Variants in SMG9 observed in about 807,000 individuals in gnomAD.
SMG9 encodes the protein nonsense-mediated mRNA decay factor SMG9.
SMG9 carries 55 observed loss-of-function variants against 64.0 expected under a neutral mutation model. The ratio of observed to expected loss-of-function variants is 0.86; its 90% CI spans 0.69 to 1.08. SMG9 has a LOEUF of 1.08. Ranked by LOEUF, SMG9 falls within the 50% of genes least tolerant of loss-of-function variation. The pLI, the probability that SMG9 is intolerant of heterozygous loss-of-function variation, is 0.00. For missense variants in SMG9, 554 were observed against 681.3 expected (o/e 0.81, Z 2.08); for synonymous variants, 244 against 254.8 (o/e 0.96, Z 0.41).
intron 6 of SMG9, among the ~76,000 whole-genome samples, chr19:43,740,839 T>C (rs1438915647): frequency 6.6e-6 from 1 of 152,086 alleles, no homozygotes; most frequent in Non-Finnish European, 1.5e-5. Context: ...GTGCTGGGAA[T>C]ATGAGGGCAA....
At position 43,729,504 on chromosome 19, in the gene SMG9, G is replaced by A. The variant is rs191363298; in HGVS notation, c.*2092C>T. On this transcript the variant is annotated 3_prime_UTR_variant, in exon 14 of 14. Transcript: ENST00000270066. ...TTCTCTCTGTCCCCAGCCTTGTGCTGAAAGGGGCTGGGATGGAAGAAACTG... is the reference window on the plus strand; with the variant it reads ...TTCTCTCTGTCCCCAGCCTTGTGCTAAAAGGGGCTGGGATGGAAGAAACTG... 6.6e-6 allele frequency: 1 copy of A among 152,322 alleles called. No individual in the cohort carries two copies. Among genetic ancestry groups the A allele is most frequent in the Non-Finnish European group, 1.5e-5 (1 of 68,122 alleles). The allele number at this position is 152,322 out of a possible 1,614,324, so 9.4% of individuals were successfully genotyped here. A position where few individuals can be genotyped will look rare whatever the true frequency, so the allele number is the denominator to read the frequency against.
intron 13 of SMG9, 127 bp from the exon 14 acceptor site, chr19:43,731,801 C>T (rs78670995): frequency 0.016 from 18,249 of 1,125,848 alleles, 222 homozygotes; most frequent in Middle Eastern, 0.034. Flanking sequence ...CTCTTGGAAC[C>T]CAATCTCCTC....
chr19:43,750,490 G>T, intron 2 of SMG9, 102 bp downstream of exon 2: 2 of 1,384,420 alleles, frequency 1.4e-6, no homozygotes, highest in Non-Finnish European at 2.0e-6. Flanking sequence ...GGTAGGTTTT[G>T]TTTACAAATA....
intron 1 of SMG9, among the ~76,000 whole-genome samples, chr19:43,753,354 T>C (rs1374690678): frequency 6.6e-6 from 1 of 152,200 alleles, no homozygotes; most frequent in Non-Finnish European, 1.5e-5. Flanking sequence ...AGTACTTGTC[T>C]TCATGCCTCA....
chr19:43,735,508 C>T (rs769481457), intron 9 of SMG9, among the ~76,000 whole-genome samples: 17 of 149,638 alleles, frequency 1.1e-4, no homozygotes, highest in Non-Finnish European at 2.2e-4. Flanking sequence ...GTCCCAGCTA[C>T]TTGGGAAGCT....
intron 10 of SMG9, 168 bp downstream of exon 10, chr19:43,734,221 T>A: frequency 1.6e-6 from 1 of 610,204 alleles, no homozygotes. Context: ...AGTGGGAACT[T>A]GGAAGGAGCA....
chr19:43,729,329 C>G lies in SMG9; in HGVS notation c.*2267G>C, dbSNP rs977231183. On this transcript the variant is annotated 3_prime_UTR_variant, in exon 14 of 14. Coordinates refer to ENST00000270066, the MANE Select transcript of SMG9 (RefSeq NM_019108.4). ...CCATCTACCGGATGCTTCACACGCCCCTGGATTTGGCAGCCAGGGACACCA... is the reference window on the plus strand; with the variant it reads ...CCATCTACCGGATGCTTCACACGCCGCTGGATTTGGCAGCCAGGGACACCA... 2 of 152,252 alleles carry G rather than the reference C, an allele frequency of 1.3e-5. No individual in the cohort carries two copies. The highest frequency in any genetic ancestry group is 2.9e-5 in the Non-Finnish European group (2 of 68,074). The allele number at this position is 152,252 out of a possible 1,614,324, so 9.4% of individuals were successfully genotyped here.
At position 43,750,703 on chromosome 19, in the gene SMG9, C is replaced by T. The variant is rs751241205; in HGVS notation, c.39G>A (p.Gly13=). Residue 13 remains glycine (G), a synonymous_variant, in exon 2 of 14, where the codon GGG becomes GGA. Coordinates refer to ENST00000270066, the MANE Select transcript of SMG9 (RefSeq NM_019108.4). ...ESGHSQPGLY[G]IERRRRWKEP... ...CCTTCCACCGTCGCCGCCGCTCTAT[C>T]CCATAGAGTCCAGGCTGACTGTGTC... The T allele has an allele frequency of 7.8e-5, 126 of 1,613,806 alleles. No individual in the cohort carries two copies. The highest frequency in any genetic ancestry group is 1.0e-4 in the Non-Finnish European group (119 of 1,179,944).
chr19:43,749,556 A>G (rs1008448174), intron 2 of SMG9, among the ~76,000 whole-genome samples: 11 of 152,168 alleles, frequency 7.2e-5, no homozygotes, highest in Non-Finnish European at 1.3e-4. Context: ...GGCCCAAGAG[A>G]AGGAGCAAGT....
chr19:43,730,994 A>AG lies in SMG9; in HGVS notation c.*601dup, dbSNP rs2146352533. 2.7e-6 allele frequency: 1 copy of AG among 370,138 alleles called. No individual in the cohort carries two copies. The highest frequency in any genetic ancestry group is 2.2e-5 in the African/African-American group (1 of 45,492). 22.9% of individuals were successfully genotyped at this position (370,138 alleles called of 1,614,324 possible). ...GTATTTTCCCATCCAAAACATACAC[A>AG]GGGGAGGCTTGATGCCACCCCAGGA... is the stretch of plus-strand genomic sequence containing the variant. On this transcript the variant is annotated 3_prime_UTR_variant, in exon 14 of 14. Coordinates refer to ENST00000270066, the MANE Select transcript of SMG9 (RefSeq NM_019108.4).
chr19:43,741,301 G>T (rs1372632465), intron 6 of SMG9, among the ~76,000 whole-genome samples: 1 of 152,188 alleles, frequency 6.6e-6, no homozygotes, highest in Non-Finnish European at 1.5e-5. Context: ...GGCACTGGGT[G>T]GGGGATGGAC....
chr19:43,740,684 T>C (rs1385308554), intron 6 of SMG9, among the ~76,000 whole-genome samples: 1 of 152,146 alleles, frequency 6.6e-6, no homozygotes, highest in Non-Finnish European at 1.5e-5. Flanking sequence ...CTTTTAGCTG[T>C]TAATTATCAA....
chr19:43,744,717 CCT>C, intron 6 of SMG9, 53 bp downstream of exon 6: 1 of 1,387,110 alleles, frequency 7.2e-7, no homozygotes. Context: ...CCACCTTGCC[CCT>C]GCTCCCAGTG....
At chr19:43,737,461 T>C (rs1568598063) in intron 9 of SMG9, 136 bp downstream of exon 9, 2 of 671,572 alleles carry the variant, frequency 3.0e-6, no homozygotes, top group Non-Finnish European at 5.0e-6. Flanking sequence ...GGAGGTTAGA[T>C]GGGAGTGATT....
At chr19:43,749,389 A>G (rs575948142) in intron 2 of SMG9, among the ~76,000 whole-genome samples, 3 of 152,326 alleles carry the variant, frequency 2.0e-5, no homozygotes, top group South Asian at 4.1e-4. Context: ...CATGGGTGTG[A>G]CAAGAGGCTG....
At chr19:43,742,020 C>T (rs970476419) in intron 6 of SMG9, among the ~76,000 whole-genome samples, 8 of 151,918 alleles carry the variant, frequency 5.3e-5, no homozygotes, top group African/African-American at 9.7e-5. Context: ...TGGTGGTGCA[C>T]GCCTGTAATC....
At chr19:43,739,321 G>T (rs1330090476) in intron 7 of SMG9, among the ~76,000 whole-genome samples, 1 of 152,186 alleles carries the variant, frequency 6.6e-6, no homozygotes, top group Non-Finnish European at 1.5e-5. Context: ...TACTTGCATC[G>T]ATGCACTGAA....
At chr19:43,744,919 T>C in intron 5 of SMG9, 35 bp from the exon 6 acceptor site, 1 of 1,539,672 alleles carries the variant, frequency 6.5e-7, no homozygotes, top group Non-Finnish European at 9.0e-7. Context: ...CTGACAAGTC[T>C]GTCAGCTGCT....
rs1969169888 is a variant in SMG9, at chr19:43,750,742, G to A, written c.-1C>T. The A allele has an allele frequency of 1.9e-6, 3 of 1,610,178 alleles. No homozygotes were observed. Among genetic ancestry groups the A allele is most frequent in the Non-Finnish European group, 2.5e-6 (3 of 1,177,864 alleles). On this transcript the variant is annotated 5_prime_UTR_variant, in exon 2 of 14. Coordinates refer to ENST00000270066, the MANE Select transcript of SMG9 (RefSeq NM_019108.4). ...GCTGACTGTGTCCAGACTCAGACAT[G>A]GTTACCTATGGAGGGAATGAGGGGA...
Sources: allele counts gnomAD v4.1 joint callset (sites outside exome capture counted in the v4.1 genomes callset), GRCh38; gene constraint gnomAD v4.1.1; transcripts MANE v1.5; gene names NCBI Gene and HGNC (gene_info 2026-07-23, HGNC 2026-07-21).